LOC128462377: variants seen among roughly 807,000 people sequenced by gnomAD.
chr16:89,387,667 C>T, the LOC128462377 span, among the ~76,000 whole-genome samples: 2 of 127,080 alleles, frequency 1.6e-5, no homozygotes, highest in Non-Finnish European at 3.2e-5. Context: ...AGCGAGACTC[C>T]ATCTCAAAAA....
At chr16:89,403,863 T>G in the LOC128462377 span, 5 of 151,980 alleles carry the variant, frequency 3.3e-5, no homozygotes, top group Non-Finnish European at 7.4e-5. Context: ...AGTCCAAGAG[T>G]TGAGGCTGCA....
the LOC128462377 span, among the ~76,000 whole-genome samples, chr16:89,371,931 G>A: frequency 1.3e-5 from 2 of 152,200 alleles, no homozygotes; most frequent in Non-Finnish European, 2.9e-5. Flanking sequence ...GCCTGTTACA[G>A]AACAGGAGGC....
At chr16:89,414,646 G>A in the LOC128462377 span, among the ~76,000 whole-genome samples, 1 of 152,226 alleles carries the variant, frequency 6.6e-6, no homozygotes, top group South Asian at 2.1e-4. Context: ...GGCTCGGAGA[G>A]TGGAAGGGAG....
the LOC128462377 span, among the ~76,000 whole-genome samples, chr16:89,390,173 C>T: frequency 2.8e-5 from 3 of 106,488 alleles, no homozygotes; most frequent in Non-Finnish European, 5.7e-5. Flanking sequence ...CCGAGTGTGG[C>T]GGGGAGCACC....
chr16:89,366,353 G>C, the LOC128462377 span, among the ~76,000 whole-genome samples: 16 of 152,114 alleles, frequency 1.1e-4, no homozygotes, highest in Non-Finnish European at 2.1e-4. Flanking sequence ...CCAGTAATGA[G>C]ACTGCTGGGT....
At chr16:89,394,550 C>G in the LOC128462377 span, among the ~76,000 whole-genome samples, 1 of 152,004 alleles carries the variant, frequency 6.6e-6, no homozygotes, top group African/African-American at 2.4e-5. Flanking sequence ...ATCGCTTGAA[C>G]CCAGGAGGCG....
chr16:89,393,506 T>G, the LOC128462377 span, among the ~76,000 whole-genome samples: 1 of 150,344 alleles, frequency 6.7e-6, no homozygotes, highest in African/African-American at 2.4e-5. Context: ...TTTTTTTTTT[T>G]TTGTATTTTT....
At chr16:89,354,205 C>G in the LOC128462377 span, among the ~76,000 whole-genome samples, 1 of 131,192 alleles carries the variant, frequency 7.6e-6, no homozygotes, top group Non-Finnish European at 1.6e-5. Context: ...CGCATTTTCA[C>G]AAATTTTACA....
At chr16:89,415,829 C>CAAAAAA in the LOC128462377 span, among the ~76,000 whole-genome samples, 498 of 39,698 alleles carry the variant, frequency 0.013, 29 homozygotes, top group Non-Finnish European at 0.019. Flanking sequence ...GACTCTGTCT[C>CAAAAAA]AAAAAAAAAA....
the LOC128462377 span, among the ~76,000 whole-genome samples, chr16:89,406,653 T>C: frequency 6.6e-6 from 1 of 152,120 alleles, no homozygotes. Flanking sequence ...AGGGTTTTAG[T>C]TAACCAGGAC....
At chr16:89,321,647 A>G in the LOC128462377 span, among the ~76,000 whole-genome samples, 1 of 152,096 alleles carries the variant, frequency 6.6e-6, no homozygotes, top group Admixed American at 6.5e-5. Context: ...CTAACACCTG[A>G]GAAGGACCGT....
chr16:89,400,882 G>A, the LOC128462377 span, among the ~76,000 whole-genome samples: 2 of 152,124 alleles, frequency 1.3e-5, no homozygotes, highest in Admixed American at 6.6e-5. Flanking sequence ...CACACACCTT[G>A]GACGCCTGTC....
chr16:89,387,223 C>T, the LOC128462377 span, among the ~76,000 whole-genome samples: 1 of 150,462 alleles, frequency 6.6e-6, no homozygotes, highest in Non-Finnish European at 1.5e-5. Flanking sequence ...ATCTGGAGTG[C>T]CAAGTTAAAA....
At chr16:89,350,874 G>T in the LOC128462377 span, among the ~76,000 whole-genome samples, 1 of 152,164 alleles carries the variant, frequency 6.6e-6, no homozygotes, top group Non-Finnish European at 1.5e-5. Context: ...GGGTCCCATG[G>T]CATAAACACC....
At chr16:89,322,315 C>T in the LOC128462377 span, among the ~76,000 whole-genome samples, 1 of 152,270 alleles carries the variant, frequency 6.6e-6, no homozygotes, top group African/African-American at 2.4e-5. Flanking sequence ...TCAGATTTGT[C>T]TTCCACAGTA....
chr16:89,416,824 C>A, the LOC128462377 span, among the ~76,000 whole-genome samples: 1 of 151,492 alleles, frequency 6.6e-6, no homozygotes, highest in Non-Finnish European at 1.5e-5. Flanking sequence ...CCTTGTCATA[C>A]ATTAAGGTCA....
At chr16:89,417,844 A>G in the LOC128462377 span, among the ~76,000 whole-genome samples, 1 of 152,014 alleles carries the variant, frequency 6.6e-6, no homozygotes, top group South Asian at 2.1e-4. Flanking sequence ...ACCAGGCAAG[A>G]CCACCAGGAT....
chr16:89,387,204 C>T, the LOC128462377 span, among the ~76,000 whole-genome samples: 1 of 151,496 alleles, frequency 6.6e-6, no homozygotes, highest in Non-Finnish European at 1.5e-5. Flanking sequence ...CAAGGAAACA[C>T]ACAGGAAGAT....
chr16:89,360,904 C>T, the LOC128462377 span, among the ~76,000 whole-genome samples: 273 of 152,324 alleles, frequency 1.8e-3, 2 homozygotes, highest in African/African-American at 5.7e-3. Flanking sequence ...ACAGAATCCA[C>T]GGTCTCTTGC....
Sources: allele counts gnomAD v4.1 joint callset (sites outside exome capture counted in the v4.1 genomes callset), GRCh38; gene constraint gnomAD v4.1.1; transcripts MANE v1.5.